CSMD2: variants seen among roughly 807,000 people sequenced by gnomAD.
The protein encoded by CSMD2 is CUB and sushi domain-containing protein 2.
Under a neutral mutation model 398.5 loss-of-function variants are expected in CSMD2, and 130 were observed. The ratio of observed to expected loss-of-function variants is 0.33; its 90% CI spans 0.28 to 0.38. The LOEUF is 0.38. CSMD2 is among the 10% of genes least tolerant of loss of function. CSMD2 has a pLI of 1.00. For missense variants in CSMD2, 3,829 were observed against 4,764.9 expected (o/e 0.80, Z 5.78); for synonymous variants, 1,828 against 1,908.5 (o/e 0.96, Z 1.10).
At chr1:34,125,732 A>G (rs1219834522) in intron 1 of CSMD2, among the ~76,000 whole-genome samples, 1 of 152,178 alleles carries the variant, frequency 6.6e-6, no homozygotes, top group South Asian at 2.1e-4. Flanking sequence ...CAGCAGGAAG[A>G]ATGTAATTAC....
intron 16 of CSMD2, 148 bp from the exon 17 acceptor site, chr1:33,725,684 C>T (rs1487472827): frequency 3.2e-5 from 21 of 653,072 alleles, no homozygotes; most frequent in South Asian, 2.7e-4. Context: ...CATTCACTAG[C>T]GATGCAGAAG....
At chr1:33,814,467 C>G (rs879776893) in intron 9 of CSMD2, among the ~76,000 whole-genome samples, 1 of 152,216 alleles carries the variant, frequency 6.6e-6, no homozygotes, top group African/African-American at 2.4e-5. Flanking sequence ...GAACATCTTC[C>G]TCTTCCTCTT....
chr1:33,798,828 T>C (rs1317555244), intron 10 of CSMD2, among the ~76,000 whole-genome samples: 1 of 152,114 alleles, frequency 6.6e-6, no homozygotes, highest in Non-Finnish European at 1.5e-5. Flanking sequence ...CTGGAGAACA[T>C]TCTCCCCTTG....
chr1:33,850,932 C>A (rs17342643), intron 5 of CSMD2, among the ~76,000 whole-genome samples: 87,404 of 151,904 alleles, frequency 0.58, 27,177 homozygotes, highest in East Asian at 0.85. Context: ...GAGCTCAGAG[C>A]AGATTTTGTG....
At chr1:33,703,630 T>C (rs1645682117) in intron 22 of CSMD2, among the ~76,000 whole-genome samples, 1 of 152,198 alleles carries the variant, frequency 6.6e-6, no homozygotes, top group Non-Finnish European at 1.5e-5. Context: ...GTAAGCATAA[T>C]TTCTATGAAT....
intron 4 of CSMD2, among the ~76,000 whole-genome samples, chr1:33,934,566 T>G (rs1644409467): frequency 2.6e-5 from 4 of 152,202 alleles, no homozygotes; most frequent in Admixed American, 2.6e-4. Context: ...TAATCTCAAT[T>G]TATGTACATA....
At chr1:33,546,248 TA>T in intron 56 of CSMD2, 29 bp from the exon 57 acceptor site, 2 of 1,588,622 alleles carry the variant, frequency 1.3e-6, no homozygotes, top group East Asian at 4.5e-5. Context: ...CAAATCCCAT[TA>T]TTTTTCAGGG....
At chr1:34,008,700 G>A (rs11586748) in intron 3 of CSMD2, among the ~76,000 whole-genome samples, 12,998 of 152,164 alleles carry the variant, frequency 0.085, 1,102 homozygotes, top group East Asian at 0.39. Context: ...GAAGTCTTAC[G>A]ATATTCATTT....
At position 33,635,401 on chromosome 1, in the gene CSMD2, C is replaced by T; in HGVS notation, c.4970-71G>A. On this transcript the variant is annotated intron_variant, in intron 30 of 70. Transcript: ENST00000373381. The surrounding 1 kb of genome is among the most constrained non-coding windows in gnomAD (Gnocchi z 5.0). Reference sequence around the variant, plus strand: ...TTACCAGTGACCATCCTCTGTTCTGCCCCAGCCTGAGCTTCTGGCCCCAGT... The same window carrying T: ...TTACCAGTGACCATCCTCTGTTCTGTCCCAGCCTGAGCTTCTGGCCCCAGT... The T allele has an allele frequency of 6.4e-6, 6 of 942,592 alleles. No individual in the cohort carries two copies. The highest frequency in any genetic ancestry group is 1.0e-5 in the Non-Finnish European group (6 of 599,578). 58.4% of individuals were successfully genotyped at this position (942,592 alleles called of 1,614,324 possible). A position where few individuals can be genotyped will look rare whatever the true frequency, so the allele number is the denominator to read the frequency against.
chr1:33,577,271 G>A (rs757622697), intron 49 of CSMD2, 25 bp downstream of exon 49: 1 of 1,577,058 alleles, frequency 6.3e-7, no homozygotes, highest in African/African-American at 1.3e-5. Flanking sequence ...GCTACCTTGT[G>A]ACCCCCTTTC....
chr1:34,100,744 T>C (rs1659857352), intron 1 of CSMD2, among the ~76,000 whole-genome samples: 1 of 152,214 alleles, frequency 6.6e-6, no homozygotes, highest in African/African-American at 2.4e-5. Context: ...TTAAATTGCT[T>C]CTGGATTTTT....
At chr1:33,899,866 G>A (rs918879062) in intron 5 of CSMD2, among the ~76,000 whole-genome samples, 3 of 152,204 alleles carry the variant, frequency 2.0e-5, no homozygotes, top group Non-Finnish European at 2.9e-5. Flanking sequence ...AATGGCCCTG[G>A]GACCTCAGGG....
rs192797057 is a variant in CSMD2 at position 33,580,485 on chromosome 1, C to T, written c.7387+268G>A. ...ACTTTTATTAGCATTTCCTAACTTT[C>T]CTAAAGGGACAGGATCACTGTTAGG... On this transcript the variant is annotated intron_variant, in intron 48 of 70. Coordinates refer to ENST00000373381, the MANE Select transcript of CSMD2 (RefSeq NM_001281956.2). Among the ~76,000 whole-genome samples the T allele has an allele frequency of 5.2e-3, 788 of 152,216 alleles. 3 individuals carry two copies. Among genetic ancestry groups the T allele is most frequent in the Non-Finnish European group, 8.6e-3 (584 of 68,028 alleles).
At position 34,089,131 on chromosome 1, in the gene CSMD2, A is replaced by G; in HGVS notation, c.250T>C (p.Tyr84His). The change falls in exon 2 of 71, where the codon TAT (tyrosine) becomes CAT (histidine). Residue 84 changes from tyrosine to histidine, a missense_variant. Tyr to His is a moderately conservative substitution (Grantham distance 83). Transcript: ENST00000373381. ...CAGTTGGCGTAATTGGGGTAGCCATATGGGAACCCTGGGCTCTCAACTGTC... is the reference window on the plus strand; with the variant it reads ...CAGTTGGCGTAATTGGGGTAGCCATGTGGGAACCCTGGGCTCTCAACTGTC... ...NGTVESPGFPYGYPNYANCTW... is the reference protein window; with the variant it reads ...NGTVESPGFPHGYPNYANCTW... The G allele has an allele frequency of 6.2e-7, 1 of 1,614,148 alleles. No individual in the cohort carries two copies. Among genetic ancestry groups the G allele is most frequent in the Non-Finnish European group, 8.5e-7 (1 of 1,180,008 alleles).
intron 46 of CSMD2, among the ~76,000 whole-genome samples, chr1:33,585,653 G>A (rs1488879449): frequency 1.3e-5 from 2 of 152,168 alleles, no homozygotes; most frequent in Middle Eastern, 3.2e-3. Flanking sequence ...AGGCCTCGTG[G>A]TCCTCTCCTG....
chr1:33,573,028 G>T (rs1659736226), intron 49 of CSMD2, among the ~76,000 whole-genome samples: 1 of 126,138 alleles, frequency 7.9e-6, no homozygotes, highest in Non-Finnish European at 1.7e-5. Flanking sequence ...ACGAAAGAGA[G>T]AATTTTCTTT....
At chr1:33,527,172 G>T in intron 65 of CSMD2, 24 bp downstream of exon 65, 2 of 1,607,070 alleles carry the variant, frequency 1.2e-6, no homozygotes, top group Non-Finnish European at 1.7e-6. Flanking sequence ...AGTTTCTTGA[G>T]CCAATGATCT....
At chr1:33,890,898 A>G (rs1279722150) in intron 5 of CSMD2, among the ~76,000 whole-genome samples, 2 of 152,254 alleles carry the variant, frequency 1.3e-5, no homozygotes, top group Admixed American at 6.5e-5. Flanking sequence ...AATTAATTCA[A>G]GATGGATTAA....
intron 19 of CSMD2, among the ~76,000 whole-genome samples, chr1:33,720,455 GA>G (rs1204626999): frequency 1.3e-5 from 2 of 152,214 alleles, no homozygotes; most frequent in Non-Finnish European, 2.9e-5. Context: ...AGGGGATTCA[GA>G]AGGATGAAGG....
Sources: allele counts gnomAD v4.1 joint callset (sites outside exome capture counted in the v4.1 genomes callset), GRCh38; gene constraint gnomAD v4.1.1; non-coding constraint Gnocchi (gnomAD v3.1); transcripts MANE v1.5; gene names NCBI Gene and HGNC (gene_info 2026-07-23, HGNC 2026-07-21).